RSRC1: variants seen among roughly 807,000 people sequenced by gnomAD.
RSRC1 encodes arginine and serine rich coiled-coil 1.
RSRC1 carries 39 observed loss-of-function variants against 49.1 expected under a neutral mutation model. The ratio of observed to expected loss-of-function variants is 0.79; its 90% CI spans 0.61 to 1.04. The LOEUF is 1.04. Among genes scored for constraint, RSRC1 ranks in the 50% least tolerant of loss-of-function variants. RSRC1 has a pLI of 0.00. For synonymous variants in RSRC1, 143 were observed against 130.8 expected (o/e 1.09, Z -0.63); for missense variants, 388 against 402.4 (o/e 0.96, Z 0.31).
At chr3:158,425,946 A>T (rs1003578488) in intron 6 of RSRC1, among the ~76,000 whole-genome samples, 1 of 151,778 alleles carries the variant, frequency 6.6e-6, no homozygotes, top group African/African-American at 2.4e-5. Context: ...AGTAATTAAA[A>T]TGGTGTCATC....
At chr3:158,157,001 A>G (rs191009637) in intron 3 of RSRC1, among the ~76,000 whole-genome samples, 55 of 152,336 alleles carry the variant, frequency 3.6e-4, no homozygotes, top group African/African-American at 1.3e-3. Flanking sequence ...AAAAGTCACA[A>G]TATCTGCAAA....
intron 6 of RSRC1, among the ~76,000 whole-genome samples, chr3:158,422,070 TTTATTATTA>T (rs57884087): frequency 6.7e-6 from 1 of 149,948 alleles, no homozygotes; most frequent in Non-Finnish European, 1.5e-5. Context: ...GTTTTTCTTT[TTTATTATTA>T]TTATTATTAT....
At chr3:158,250,260 T>G (rs1337441464) in intron 4 of RSRC1, among the ~76,000 whole-genome samples, 1 of 152,236 alleles carries the variant, frequency 6.6e-6, no homozygotes, top group Admixed American at 6.5e-5. Context: ...CTATTGTGAA[T>G]AGTGCTGCAA....
intron 4 of RSRC1, among the ~76,000 whole-genome samples, chr3:158,279,947 C>T (rs1008967804): frequency 6.6e-6 from 1 of 152,192 alleles, no homozygotes; most frequent in South Asian, 2.1e-4. Flanking sequence ...GAAGACTGGT[C>T]AGCTGGTGTT....
intron 7 of RSRC1, among the ~76,000 whole-genome samples, chr3:158,486,032 A>T (rs1578534430): frequency 1.3e-5 from 2 of 152,178 alleles, no homozygotes; most frequent in Non-Finnish European, 2.9e-5. Context: ...TGACTATTTA[A>T]CAGCCATACA....
At chr3:158,442,014 G>T (rs1167873087) in intron 6 of RSRC1, among the ~76,000 whole-genome samples, 5 of 152,184 alleles carry the variant, frequency 3.3e-5, no homozygotes, top group African/African-American at 9.6e-5. Flanking sequence ...ATACTGTACT[G>T]TAGTCTATTA....
chr3:158,160,177 C>T, intron 3 of RSRC1, among the ~76,000 whole-genome samples: 1 of 152,130 alleles, frequency 6.6e-6, no homozygotes, highest in Admixed American at 6.6e-5. Context: ...CCCCTGAAGT[C>T]TTTTAAGATG....
At chr3:158,363,754 G>T (rs1731610254) in intron 6 of RSRC1, among the ~76,000 whole-genome samples, 2 of 152,126 alleles carry the variant, frequency 1.3e-5, no homozygotes, top group Non-Finnish European at 2.9e-5. Flanking sequence ...ACCACAAAGG[G>T]ATTAAAGCAT....
chr3:158,390,404 A>G (rs1733213294), intron 6 of RSRC1, among the ~76,000 whole-genome samples: 1 of 152,184 alleles, frequency 6.6e-6, no homozygotes, highest in Admixed American at 6.6e-5. Flanking sequence ...GAGGGGCCGC[A>G]TGTATCTATG....
intron 7 of RSRC1, among the ~76,000 whole-genome samples, chr3:158,466,379 G>A (rs749693571): frequency 6.6e-6 from 1 of 152,156 alleles, no homozygotes; most frequent in Non-Finnish European, 1.5e-5. Flanking sequence ...TGGCTATCGT[G>A]TGTTTCCTTA....
intron 4 of RSRC1, among the ~76,000 whole-genome samples, chr3:158,279,459 C>T (rs894181305): frequency 1.9e-4 from 29 of 152,176 alleles, no homozygotes; most frequent in African/African-American, 6.8e-4. Flanking sequence ...TGTACAAAAA[C>T]AGGAAATAGG....
intron 3 of RSRC1, among the ~76,000 whole-genome samples, chr3:158,150,685 C>A (rs1224642329): frequency 2.0e-5 from 3 of 152,028 alleles, no homozygotes; most frequent in Non-Finnish European, 1.5e-5. Flanking sequence ...AGTGGGAAAG[C>A]ATTTTGGGAA....
At chr3:158,476,426 T>G (rs1238130033) in intron 7 of RSRC1, among the ~76,000 whole-genome samples, 1 of 152,184 alleles carries the variant, frequency 6.6e-6, no homozygotes, top group Non-Finnish European at 1.5e-5. Flanking sequence ...CAGTGTCTGA[T>G]GTCAAAGCTT....
chr3:158,487,946 C>CAAAAAAAAAAAAAAA (rs1303656428), intron 7 of RSRC1, among the ~76,000 whole-genome samples: 222 of 11,472 alleles, frequency 0.019, 22 homozygotes, highest in Non-Finnish European at 0.024. Context: ...GACTCCATCT[C>CAAAAAAAAAAAAAAA]AAGAAAAAAA....
At chr3:158,522,131 T>G (rs116177129) in intron 7 of RSRC1, among the ~76,000 whole-genome samples, 6 of 152,138 alleles carry the variant, frequency 3.9e-5, no homozygotes, top group African/African-American at 1.4e-4. Context: ...ATATTTTAAT[T>G]GAAAAAATTA....
At position 158,539,085 on chromosome 3, in the gene RSRC1, C is replaced by G. The variant is rs111769229; in HGVS notation, c.759+1887C>G. The stretch of plus-strand genomic sequence containing the variant: ...CCAGATCATGGAAGGATATGATGGA[C>G]TATCCCTAATGCATAGCAAGGATTT... On this transcript the variant is annotated intron_variant, in intron 8 of 9. Coordinates refer to ENST00000611884, the MANE Select transcript of RSRC1 (RefSeq NM_001271838.2). The surrounding 1 kb of genome is among the most constrained non-coding windows in gnomAD (Gnocchi z 4.1). Among the ~76,000 whole-genome samples, 343 of 137,548 alleles carry G rather than the reference C, an allele frequency of 2.5e-3. No homozygotes were observed. Among genetic ancestry groups the G allele is most frequent in the African/African-American group, 9.4e-3 (333 of 35,586 alleles). The allele number at this position is 137,548 out of a possible 152,430, so 90.2% of individuals were successfully genotyped here. A position where few individuals can be genotyped will look rare whatever the true frequency, so the allele number is the denominator to read the frequency against.
chr3:158,496,489 C>A (rs1159575096), intron 7 of RSRC1: 1 of 152,860 alleles, frequency 6.5e-6, no homozygotes, highest in Non-Finnish European at 1.5e-5. Flanking sequence ...GTAATAGGGA[C>A]CCATGGAAAG....
chr3:158,291,135 A>G (rs963098497), intron 4 of RSRC1, among the ~76,000 whole-genome samples: 4 of 152,218 alleles, frequency 2.6e-5, no homozygotes, highest in Admixed American at 6.5e-5. Context: ...CAGGAGTTAG[A>G]GTCTAACTAG....
intron 4 of RSRC1, among the ~76,000 whole-genome samples, chr3:158,280,572 G>A (rs1310831350): frequency 1.3e-5 from 2 of 151,558 alleles, no homozygotes; most frequent in South Asian, 2.1e-4. Flanking sequence ...TGTGGTGGGG[G>A]GCAAATCATG....
Sources: gnomAD v4.1 joint callset for allele counts (sites outside exome capture counted in the v4.1 genomes callset) on GRCh38, gnomAD v4.1.1 for gene constraint, Gnocchi (gnomAD v3.1) non-coding constraint, MANE v1.5 for transcripts, NCBI Gene and HGNC (gene_info 2026-07-23, HGNC 2026-07-21) for gene names.